Variants in PTPRG observed in about 807,000 individuals in gnomAD.
PTPRG encodes protein tyrosine phosphatase receptor type G, also known as receptor-type tyrosine-protein phosphatase gamma.
A neutral mutation model predicts 165.3 loss-of-function variants in PTPRG; 102 were observed. That is an observed-to-expected ratio of 0.62 (90% CI 0.53 to 0.73). The LOEUF is 0.73. PTPRG is among the 30% of genes least tolerant of loss of function. PTPRG has a pLI of 0.00. For synonymous variants in PTPRG, 675 were observed against 669.5 expected (o/e 1.01, Z -0.13); for missense variants, 1,866 against 1,861.4 (o/e 1.00, Z -0.05).
At chr3:61,827,786 A>G (rs1048202240) in intron 2 of PTPRG, among the ~76,000 whole-genome samples, 1 of 152,208 alleles carries the variant, frequency 6.6e-6, no homozygotes. Context: ...GCTATAGGTC[A>G]TCACTGGTGA....
intron 5 of PTPRG, among the ~76,000 whole-genome samples, chr3:62,105,983 A>G (rs1412882019): frequency 6.6e-6 from 1 of 152,220 alleles, no homozygotes; most frequent in African/African-American, 2.4e-5. Flanking sequence ...ACATTAACAC[A>G]TTTAGAGATT....
At chr3:62,075,534 G>T (rs1009910154) in intron 4 of PTPRG, among the ~76,000 whole-genome samples, 29 of 152,252 alleles carry the variant, frequency 1.9e-4, no homozygotes, top group African/African-American at 5.3e-4. Flanking sequence ...TTAGGAAAAA[G>T]AATTACCTTT....
At chr3:61,597,694 A>C (rs568322725) in intron 1 of PTPRG, among the ~76,000 whole-genome samples, 1 of 152,202 alleles carries the variant, frequency 6.6e-6, no homozygotes, top group Non-Finnish European at 1.5e-5. Context: ...AATCTATTAA[A>C]ATGGATAAAT....
At chr3:62,286,032 A>G (rs750377361) in intron 28 of PTPRG, among the ~76,000 whole-genome samples, 5 of 152,198 alleles carry the variant, frequency 3.3e-5, no homozygotes, top group Non-Finnish European at 5.9e-5. Context: ...GGCTAATCGT[A>G]TTTTAACATT....
chr3:61,644,392 G>A (rs1022177311), intron 1 of PTPRG, among the ~76,000 whole-genome samples: 15 of 152,088 alleles, frequency 9.9e-5, no homozygotes, highest in African/African-American at 3.6e-4. Flanking sequence ...TCATCTCTCG[G>A]GAGATGGAAG....
At chr3:61,616,308 G>A (rs1004139245) in intron 1 of PTPRG, among the ~76,000 whole-genome samples, 49 of 152,286 alleles carry the variant, frequency 3.2e-4, no homozygotes, top group African/African-American at 1.1e-3. Context: ...GCAGCCCCCA[G>A]GCCCTTTTAG....
chr3:62,154,469 T>A (rs996405950), intron 6 of PTPRG, among the ~76,000 whole-genome samples: 1 of 152,072 alleles, frequency 6.6e-6, no homozygotes, highest in Non-Finnish European at 1.5e-5. Flanking sequence ...TCACACGCAC[T>A]TTCCATCATG....
rs140439892 is a variant in PTPRG at position 62,265,497 on chromosome 3, T to C, written c.2657-1913T>C. On this transcript the variant is annotated intron_variant, in intron 17 of 29. Transcript: ENST00000474889. ...TTGCTGAATCCGTCTTTTCTAGTAG[T>C]TTTTTCTTGATTCCTTGAATTTCTG... is the stretch of plus-strand genomic sequence containing the variant. 5.0e-3 allele frequency among the ~76,000 whole-genome samples: 762 copies of C among 152,258 alleles called. 6 individuals are homozygous for C. The highest frequency in any genetic ancestry group is 0.018 in the African/African-American group (733 of 41,570).
chr3:62,187,998 A>G (rs1699706309), intron 8 of PTPRG, among the ~76,000 whole-genome samples: 1 of 152,194 alleles, frequency 6.6e-6, no homozygotes, highest in Non-Finnish European at 1.5e-5. Context: ...GAGATTCTGT[A>G]CCATCATTCA....
chr3:62,052,851 A>T (rs994066583), intron 4 of PTPRG, among the ~76,000 whole-genome samples: 1 of 152,234 alleles, frequency 6.6e-6, no homozygotes, highest in Non-Finnish European at 1.5e-5. Flanking sequence ...GATTTCAACC[A>T]TAAGGAAAAC....
In PTPRG at chr3:61,702,040, G is replaced by A. The variant is rs563543082; in HGVS notation, c.86-46838G>A. Among the ~76,000 whole-genome samples, 1,358 of 152,098 alleles carry A rather than the reference G, an allele frequency of 8.9e-3. 11 individuals carry two copies. The highest frequency in any genetic ancestry group is 0.048 in the Middle Eastern group (14 of 294). On this transcript the variant is annotated intron_variant, in intron 1 of 29. Transcript: ENST00000474889. ...GTTGCCCAGGCTGGAGTGCAGTGGC[G>A]CGATCTCGGCTCACTGCAACCTCAG...
At chr3:61,959,741 CT>C (rs1196628692) in intron 2 of PTPRG, among the ~76,000 whole-genome samples, 1 of 152,180 alleles carries the variant, frequency 6.6e-6, no homozygotes, top group Non-Finnish European at 1.5e-5. Flanking sequence ...GTTCACAACA[CT>C]TGTGTTTTGT....
chr3:61,933,987 A>G (rs377658588), intron 2 of PTPRG, among the ~76,000 whole-genome samples: 1 of 152,190 alleles, frequency 6.6e-6, no homozygotes, highest in Non-Finnish European at 1.5e-5. Flanking sequence ...AGGCAGGCTC[A>G]TGCTTTCGCT....
chr3:61,699,939 G>T (rs2030861206), intron 1 of PTPRG, among the ~76,000 whole-genome samples: 1 of 152,162 alleles, frequency 6.6e-6, no homozygotes, highest in African/African-American at 2.4e-5. Context: ...TTTGAAATAA[G>T]TTTTCTAGAG....
intron 2 of PTPRG, among the ~76,000 whole-genome samples, chr3:61,792,145 C>A (rs1479063681): frequency 6.6e-6 from 1 of 151,942 alleles, no homozygotes; most frequent in Non-Finnish European, 1.5e-5. Context: ...TGTAGTGTCA[C>A]CAAAGGGGAC....
chr3:62,208,649 G>T (rs1166421618), intron 12 of PTPRG, among the ~76,000 whole-genome samples: 1 of 152,156 alleles, frequency 6.6e-6, no homozygotes. Flanking sequence ...CAATTGGGCA[G>T]AGGCTCTGGG....
chr3:62,166,691 TG>T (rs1458018498), intron 7 of PTPRG, among the ~76,000 whole-genome samples: 1 of 151,938 alleles, frequency 6.6e-6, no homozygotes, highest in Non-Finnish European at 1.5e-5. Flanking sequence ...ATCCCTTTTT[TG>T]TTCTGTTCTG....
chr3:62,166,313 A>G (rs1340582907), intron 7 of PTPRG, among the ~76,000 whole-genome samples: 1 of 140,898 alleles, frequency 7.1e-6, no homozygotes, highest in Non-Finnish European at 1.5e-5. Flanking sequence ...TATGTAATAG[A>G]ATTACTTTTT....
chr3:61,600,405 G>A (rs970309202), intron 1 of PTPRG, among the ~76,000 whole-genome samples: 1 of 152,034 alleles, frequency 6.6e-6, no homozygotes, highest in Non-Finnish European at 1.5e-5. Flanking sequence ...GTATCATTAC[G>A]TAAGACATGA....
Sources: gnomAD v4.1 joint callset for allele counts (sites outside exome capture counted in the v4.1 genomes callset) on GRCh38, gnomAD v4.1.1 for gene constraint, MANE v1.5 for transcripts, NCBI Gene and HGNC (gene_info 2026-07-23, HGNC 2026-07-21) for gene names.